ATP7A: variants seen among roughly 807,000 people sequenced by gnomAD.
ATP7A encodes copper-transporting ATPase 1.
In ATP7A, 7 loss-of-function variants were observed where a neutral mutation model predicts 83.5. The observed-to-expected ratio is 0.08, with a 90% CI of 0.05 to 0.16. ATP7A has a LOEUF of 0.16. Ranked by LOEUF, ATP7A falls within the 10% of genes least tolerant of loss-of-function variation. The pLI is 1.00. For synonymous variants in ATP7A, 354 were observed against 395.2 expected (o/e 0.90, Z 1.24); for missense variants, 940 against 1,120.8 (o/e 0.84, Z 2.30).
Position 77,944,834 on chromosome X carries a change from G to GTATTTATT in ATP7A, c.-21-26761_-21-26754dup, listed in dbSNP as rs376448530. On this transcript the variant is annotated intron_variant, in intron 1 of 22. Transcript: ENST00000341514. ...TGTATGTATGTATGTATGTATGTGT[G>GTATTTATT]TATTTATTTATTTATTTATTTATTT... 5.5e-3 allele frequency among the ~76,000 whole-genome samples: 587 copies of GTATTTATT among 107,400 alleles called. 6 individuals are homozygous for GTATTTATT. Among genetic ancestry groups the GTATTTATT allele is most frequent in the African/African-American group, 0.018 (523 of 28,895 alleles). The allele number at this position is 107,400 out of a possible 115,157, so 93.3% of individuals were successfully genotyped here.
At chrX:78,016,133 T>C (rs868928331) in intron 12 of ATP7A, among the ~76,000 whole-genome samples, 11 of 111,428 alleles carry the variant, frequency 9.9e-5, no homozygotes, top group Middle Eastern at 4.2e-3. Context: ...TGACTCACAG[T>C]TCTGCATGTC....
intron 1 of ATP7A, among the ~76,000 whole-genome samples, chrX:77,933,483 A>G (rs2077301064): frequency 8.9e-6 from 1 of 112,004 alleles, no homozygotes. Context: ...GGTGGTACCA[A>G]TTGAGTATCC....
chrX:77,948,752 A>G (rs1268347834), intron 1 of ATP7A, among the ~76,000 whole-genome samples: 1 of 111,832 alleles, frequency 8.9e-6, no homozygotes, highest in Non-Finnish European at 1.9e-5. Flanking sequence ...CTCACAGACA[A>G]TGGAAACATG....
At chrX:77,971,433 G>T (rs1012246572) in intron 1 of ATP7A, among the ~76,000 whole-genome samples, 188 bp from the exon 2 acceptor site, 1 of 111,768 alleles carries the variant, frequency 8.9e-6, no homozygotes, top group Non-Finnish European at 1.9e-5. Flanking sequence ...TTCATCTAAG[G>T]TGATAAGAAT....
At chrX:78,005,944 G>A (rs180783879) in intron 6 of ATP7A, among the ~76,000 whole-genome samples, 35 of 110,754 alleles carry the variant, frequency 3.2e-4, no homozygotes, top group Non-Finnish European at 6.6e-4. Context: ...TAAGACAAGC[G>A]TCAGCACCCC....
At chrX:77,954,367 C>T (rs1030712770) in intron 1 of ATP7A, among the ~76,000 whole-genome samples, 3 of 111,533 alleles carry the variant, frequency 2.7e-5, no homozygotes, top group Non-Finnish European at 5.6e-5. Flanking sequence ...TAGTCTCGAA[C>T]TCCTGACCTC....
intron 1 of ATP7A, among the ~76,000 whole-genome samples, chrX:77,932,593 A>G (rs2077294065): frequency 8.9e-6 from 1 of 112,397 alleles, no homozygotes; most frequent in African/African-American, 3.2e-5. Context: ...CGATCACGCC[A>G]CTGCACTCCA....
chrX:77,928,081 C>T (rs782684235), intron 1 of ATP7A, among the ~76,000 whole-genome samples: 15 of 110,499 alleles, frequency 1.4e-4, no homozygotes, highest in African/African-American at 4.6e-4. Context: ...CCTACCTCAG[C>T]CTCACGAGTA....
intron 1 of ATP7A, among the ~76,000 whole-genome samples, chrX:77,954,138 T>C (rs1276956058): frequency 9.0e-6 from 1 of 111,709 alleles, no homozygotes; most frequent in Non-Finnish European, 1.9e-5. Context: ...AAAACTGTTA[T>C]TTATTTTATT....
intron 2 of ATP7A, chrX:77,975,430 C>T (rs901376666): frequency 6.5e-5 from 7 of 107,576 alleles, no homozygotes; most frequent in African/African-American, 2.4e-4. Flanking sequence ...CTTGAGGATT[C>T]CTACTGTATT....
Position 78,009,164 on chromosome X carries a change from A to G in ATP7A, c.1770A>G (p.Arg590=), listed in dbSNP as rs184136556. 2 of 1,208,007 alleles carry G rather than the reference A, an allele frequency of 1.7e-6. No individual in the cohort carries two copies. The highest frequency in any genetic ancestry group is 3.5e-5 in the African/African-American group (2 of 57,039). ...TAGAGTCTAGTCTCACAAAACACAG[A>G]GGGATCCTATACTGCTCCGTGGCCC... is the stretch of plus-strand genomic sequence containing the variant. ...HKIESSLTKH[R]GILYCSVALA... is the part of the protein sequence containing the mutation. The change falls in exon 7 of 23, where the codon AGA becomes AGG. Residue 590 remains arginine, a synonymous_variant. Transcript: ENST00000341514.
At chrX:78,010,786 G>A (rs1557234343) in intron 7 of ATP7A, among the ~76,000 whole-genome samples, 3 of 108,297 alleles carry the variant, frequency 2.8e-5, no homozygotes, top group Non-Finnish European at 5.7e-5. Flanking sequence ...TCACCGTGTT[G>A]GCCATACTGC....
intron 17 of ATP7A, among the ~76,000 whole-genome samples, chrX:78,037,249 G>A (rs958934205): frequency 2.7e-5 from 3 of 111,963 alleles, no homozygotes; most frequent in African/African-American, 9.7e-5. Flanking sequence ...ATGGATTTGG[G>A]AGTCCTCTGC....
In ATP7A at chrX:77,989,906, A is replaced by C; in HGVS notation, c.1284A>C (p.Pro428=). ...TVEYDPLLTS[P]ETLRGAIEDM... ...AGTATGATCCTCTACTAACCTCTCC[A>C]GAAACGTTGAGAGGAGCAATAGAAG... The change falls in exon 4 of 23, where the codon CCA becomes CCC. Residue 428 remains proline, a synonymous_variant. Transcript: ENST00000341514. 3 of 1,210,843 alleles carry C rather than the reference A, an allele frequency of 2.5e-6. No individual in the cohort carries two copies. Among genetic ancestry groups the C allele is most frequent in the Non-Finnish European group, 3.4e-6 (3 of 894,940 alleles).
chrX:78,023,893 T>G (rs2077924783), intron 14 of ATP7A, among the ~76,000 whole-genome samples: 1 of 111,785 alleles, frequency 8.9e-6, no homozygotes, highest in Admixed American at 9.5e-5. Flanking sequence ...CTAGAAGAGT[T>G]TTTCCCAGGT....
chrX:77,970,733 G>A (rs2077541935), intron 1 of ATP7A, among the ~76,000 whole-genome samples: 1 of 111,904 alleles, frequency 8.9e-6, no homozygotes, highest in Admixed American at 9.5e-5. Context: ...AAGTCATTAA[G>A]TTCAGGCCAC....
chrX:78,043,657 C>CTT (rs781972709), intron 21 of ATP7A, among the ~76,000 whole-genome samples: 15 of 93,798 alleles, frequency 1.6e-4, no homozygotes, highest in East Asian at 3.3e-4. Flanking sequence ...TTCCCTCCAA[C>CTT]TTTTTTTTTT....
chrX:78,042,629 G>A lies in ATP7A; in HGVS notation c.3846G>A (p.Lys1282=). The A allele has an allele frequency of 8.3e-7, 1 of 1,211,725 alleles. No individual in the cohort carries two copies. Among genetic ancestry groups the A allele is most frequent in the Non-Finnish European group, 1.1e-6 (1 of 895,480 alleles). Residue 1282 remains lysine (K), a synonymous_variant, in exon 20 of 23, where the codon AAG becomes AAA. Coordinates refer to ENST00000341514, the MANE Select transcript of ATP7A (RefSeq NM_000052.7). ...TTGCTGAAGTTCTACCTTCTCACAA[G>A]GTTGCTAAAGTGAAGCAACTTCAAG... ...KVFAEVLPSH[K]VAKVKQLQEE... is the part of the protein sequence containing the mutation.
At chrX:77,935,503 A>G (rs1420732353) in intron 1 of ATP7A, among the ~76,000 whole-genome samples, 12 of 112,046 alleles carry the variant, frequency 1.1e-4, no homozygotes, top group Non-Finnish European at 5.6e-5. Context: ...GTGCAAGGTA[A>G]TTCTTTTTAT....
Sources: allele counts gnomAD v4.1 joint callset (sites outside exome capture counted in the v4.1 genomes callset), GRCh38; gene constraint gnomAD v4.1.1; transcripts MANE v1.5; gene names NCBI Gene and HGNC (gene_info 2026-07-23, HGNC 2026-07-21).